PDLIM5: variants seen among roughly 807,000 people sequenced by gnomAD.
The protein encoded by PDLIM5 is PDZ and LIM domain 5, also known as PDZ and LIM domain protein 5.
Under a neutral mutation model 64.2 loss-of-function variants are expected in PDLIM5, and 34 were observed. The observed-to-expected ratio is 0.53, with a 90% CI of 0.40 to 0.71. The LOEUF (loss-of-function observed/expected upper bound fraction) is 0.71, where lower values mean the gene tolerates loss of function less well. PDLIM5 is among the 30% of genes least tolerant of loss of function. The pLI is 0.00. For missense variants in PDLIM5, 683 were observed against 733.6 expected, an observed-to-expected ratio of 0.93 and a Z score of 0.80; for synonymous variants, 253 against 269.1, an observed-to-expected ratio of 0.94 and a Z score of 0.59.
In PDLIM5 at chr4:94,667,757, T is replaced by C. The variant is rs985419067; in HGVS notation, c.*3690T>C. 6.6e-6 allele frequency: 1 copy of C among 152,202 alleles called. No homozygotes were observed. The highest frequency in any genetic ancestry group is 1.5e-5 in the Non-Finnish European group (1 of 68,028). 9.4% of individuals were successfully genotyped at this position (152,202 alleles called of 1,614,324 possible). Reference sequence around the variant, plus strand: ...ACAGCTCAAATCTTCAAAATATTACTATAGCATTATGTTTAAAATAATCTA... The same window carrying C: ...ACAGCTCAAATCTTCAAAATATTACCATAGCATTATGTTTAAAATAATCTA... On this transcript the variant is annotated 3_prime_UTR_variant, in exon 13 of 13. Transcript: ENST00000317968.
intron 4 of PDLIM5, among the ~76,000 whole-genome samples, chr4:94,575,060 A>G (rs1254213312): frequency 6.6e-6 from 1 of 150,402 alleles, no homozygotes; most frequent in Non-Finnish European, 1.5e-5. Flanking sequence ...GAGTTAGGTG[A>G]AAATTATCTT....
chr4:94,500,874 C>T (rs1727851253), intron 2 of PDLIM5, among the ~76,000 whole-genome samples: 1 of 152,086 alleles, frequency 6.6e-6, no homozygotes, highest in Admixed American at 6.6e-5. Context: ...CCCTCCACCT[C>T]CCAGGCTCAA....
At chr4:94,465,394 T>G (rs1724258715) in intron 2 of PDLIM5, among the ~76,000 whole-genome samples, 1 of 152,122 alleles carries the variant, frequency 6.6e-6, no homozygotes, top group South Asian at 2.1e-4. Flanking sequence ...AGTGTGATTT[T>G]ATTTTATTTT....
At chr4:94,565,185 A>G (rs1734208392) in intron 3 of PDLIM5, among the ~76,000 whole-genome samples, 1 of 152,226 alleles carries the variant, frequency 6.6e-6, no homozygotes, top group African/African-American at 2.4e-5. Flanking sequence ...GCAGAAGGCC[A>G]TATTAATCCT....
chr4:94,602,687 C>G (rs1737600252), intron 7 of PDLIM5, among the ~76,000 whole-genome samples: 1 of 151,878 alleles, frequency 6.6e-6, no homozygotes, highest in Admixed American at 6.6e-5. Flanking sequence ...AACTCCTGAC[C>G]TCAGGTGATC....
chr4:94,541,632 T>G (rs967517600), intron 3 of PDLIM5, among the ~76,000 whole-genome samples: 6 of 152,176 alleles, frequency 3.9e-5, no homozygotes, highest in African/African-American at 7.2e-5. Context: ...CCCAGCCCCT[T>G]GTTTTGTCCA....
At chr4:94,495,802 A>G (rs1727338248) in intron 2 of PDLIM5, among the ~76,000 whole-genome samples, 1 of 152,246 alleles carries the variant, frequency 6.6e-6, no homozygotes, top group South Asian at 2.1e-4. Context: ...ATGTAGTTGC[A>G]GAGAGTTTTC....
At chr4:94,530,510 A>AATATATATATATAGATATATAT (rs1730766114) in intron 3 of PDLIM5, among the ~76,000 whole-genome samples, 1 of 140,556 alleles carries the variant, frequency 7.1e-6, no homozygotes, top group Non-Finnish European at 1.5e-5. Flanking sequence ...GGAATCACAG[A>AATATATATATATAGATATATAT]ATATATATAT....
chr4:94,656,744 C>G (rs548533549), intron 10 of PDLIM5: 82 of 151,644 alleles, frequency 5.4e-4, no homozygotes, highest in African/African-American at 1.9e-3. Flanking sequence ...ATGCCATTCT[C>G]CTGCCTCAGC....
In PDLIM5 at chr4:94,592,203, A is replaced by G. The variant is rs185075866; in HGVS notation, c.920+5759A>G. Among the ~76,000 whole-genome samples, 329 of 152,370 alleles carry G rather than the reference A, an allele frequency of 2.2e-3. 1 individual carries two copies. Among genetic ancestry groups the G allele is most frequent in the African/African-American group, 7.1e-3 (297 of 41,584 alleles). On this transcript the variant is annotated intron_variant, in intron 7 of 12. Transcript: ENST00000317968. Reference sequence around the variant, plus strand: ...ATAATCAGAGATATGTGAATGAAGCAATGAAATGAGAAGCTTCAAAATGGG... The same window carrying G: ...ATAATCAGAGATATGTGAATGAAGCGATGAAATGAGAAGCTTCAAAATGGG...
intron 2 of PDLIM5, among the ~76,000 whole-genome samples, chr4:94,490,544 G>A (rs778898604): frequency 6.6e-6 from 1 of 152,056 alleles, no homozygotes; most frequent in African/African-American, 2.4e-5. Flanking sequence ...CAAATTAATT[G>A]ATTTTGGATA....
intron 7 of PDLIM5, among the ~76,000 whole-genome samples, chr4:94,614,315 G>T (rs992389525): frequency 6.6e-6 from 1 of 151,942 alleles, no homozygotes. Flanking sequence ...AGGTCTTGCC[G>T]TGTTGCCCAG....
At position 94,472,325 on chromosome 4, in the gene PDLIM5, AGAGTTGGCACCAGT is replaced by A. The variant is rs1392095232; in HGVS notation, c.96+16942_96+16955del. ...TAAACTCTCCAAGAGATTTGAAGGG[AGAGTTGGCACCAGT>A]AGTACCTCCAATTAGACATTCTTTC... On this transcript the variant is annotated intron_variant, in intron 2 of 12. Transcript: ENST00000317968. Among the ~76,000 whole-genome samples, 20 of 152,200 alleles carry A rather than the reference AGAGTTGGCACCAGT, an allele frequency of 1.3e-4. 1 individual carries two copies. Among genetic ancestry groups the A allele is most frequent in the African/African-American group, 4.6e-4 (19 of 41,446 alleles).
At chr4:94,556,501 A>C (rs1237172521) in intron 3 of PDLIM5, among the ~76,000 whole-genome samples, 1 of 152,168 alleles carries the variant, frequency 6.6e-6, no homozygotes, top group Non-Finnish European at 1.5e-5. Flanking sequence ...ACAATGGTTG[A>C]ACTAGTTTAC....
intron 3 of PDLIM5, among the ~76,000 whole-genome samples, chr4:94,529,921 A>G (rs1012953575): frequency 2.6e-5 from 4 of 152,228 alleles, no homozygotes; most frequent in Non-Finnish European, 4.4e-5. Flanking sequence ...GATCCAAATC[A>G]AAGTGGATCA....
intron 8 of PDLIM5, among the ~76,000 whole-genome samples, chr4:94,620,655 TTAAA>T (rs1319258199): frequency 6.6e-6 from 1 of 152,128 alleles, no homozygotes; most frequent in Non-Finnish European, 1.5e-5. Flanking sequence ...TTCACAGTGT[TTAAA>T]TATATTAGAT....
In PDLIM5 at chr4:94,633,576, G is replaced by A. The variant is rs183645915; in HGVS notation, c.1109-6700G>A. Among the ~76,000 whole-genome samples, 109 of 152,146 alleles carry A rather than the reference G, an allele frequency of 7.2e-4. 1 individual carries two copies. Among genetic ancestry groups the A allele is most frequent in the Admixed American group, 7.9e-4 (12 of 15,286 alleles). ...CTAGAATCAGCAATTTCTCTAAGAC[G>A]TCTGGTTCCCTTTAGTAGAAAGACA... On this transcript the variant is annotated intron_variant, in intron 8 of 12. Coordinates refer to ENST00000317968, the MANE Select transcript of PDLIM5 (RefSeq NM_006457.5).
chr4:94,512,849 A>G (rs889159883), intron 2 of PDLIM5, among the ~76,000 whole-genome samples: 2 of 152,040 alleles, frequency 1.3e-5, no homozygotes, highest in African/African-American at 4.8e-5. Context: ...TTTTCTTGTA[A>G]TAGTTTCATA....
At chr4:94,465,239 C>T (rs992692222) in intron 2 of PDLIM5, among the ~76,000 whole-genome samples, 9 of 152,178 alleles carry the variant, frequency 5.9e-5, no homozygotes, top group African/African-American at 1.4e-4. Flanking sequence ...CAGTTCAATT[C>T]GGTCTCCTTT....
Sources: allele counts gnomAD v4.1 joint callset (sites outside exome capture counted in the v4.1 genomes callset), GRCh38; gene constraint gnomAD v4.1.1; transcripts MANE v1.5; gene names NCBI Gene and HGNC (gene_info 2026-07-23, HGNC 2026-07-21).